Variants in VAT1L observed in about 807,000 individuals in gnomAD.
VAT1L encodes vesicle amine transport 1 like.
Under a neutral mutation model 44.1 loss-of-function variants are expected in VAT1L, and 34 were observed. The observed-to-expected ratio is 0.77, with a 90% confidence interval of 0.59 to 1.03. The LOEUF (loss-of-function observed/expected upper bound fraction) is 1.03. Among genes scored for constraint, VAT1L ranks in the 50% least tolerant of loss-of-function variants. The probability of loss-of-function intolerance (pLI) is 0.00; values close to 1 mark genes in which losing one functional copy is unlikely to be tolerated. For missense variants in VAT1L, 615 were observed against 538.8 expected (o/e 1.14, Z -1.40); for synonymous variants, 253 against 202.2 (o/e 1.25, Z -2.13).
chr16:77,899,719 C>T (rs1303916747), intron 7 of VAT1L, among the ~76,000 whole-genome samples: 1 of 152,178 alleles, frequency 6.6e-6, no homozygotes, highest in Non-Finnish European at 1.5e-5. Flanking sequence ...TTCCCATGAC[C>T]AGGAGCTGAA....
intron 1 of VAT1L, among the ~76,000 whole-genome samples, chr16:77,797,169 T>A (rs1335657768): frequency 3.3e-5 from 5 of 151,638 alleles, no homozygotes; most frequent in Admixed American, 3.3e-4. Context: ...TGGAGTGCAA[T>A]GGCGCTATCT....
Position 77,879,278 on chromosome 16 carries a change from G to C in VAT1L, c.882+54G>C, listed in dbSNP as rs756671176. 1.3e-4 allele frequency: 198 copies of C among 1,568,918 alleles called. 1 individual carries two copies. Among genetic ancestry groups the C allele is most frequent in the Middle Eastern group, 1.7e-4 (1 of 5,976 alleles). On this transcript the variant is annotated intron_variant, in intron 6 of 8. Coordinates refer to ENST00000302536, the MANE Select transcript of VAT1L (RefSeq NM_020927.3). The surrounding 1 kb of genome is among the most constrained non-coding windows in gnomAD (Gnocchi z 4.1). ...GTGGTGGCATGTTGATTCACATGTT[G>C]AGAGCTTTGTTTTTGTTTGTTTGTT...
At chr16:77,934,239 A>C (rs948501387) in intron 7 of VAT1L, among the ~76,000 whole-genome samples, 3 of 152,152 alleles carry the variant, frequency 2.0e-5, no homozygotes, top group African/African-American at 7.2e-5. Context: ...GAAGAGAATC[A>C]TGAAAAACCC....
chr16:77,796,310 C>A (rs537279285), intron 1 of VAT1L, among the ~76,000 whole-genome samples: 1 of 152,212 alleles, frequency 6.6e-6, no homozygotes, highest in South Asian at 2.1e-4. Context: ...ATTATTGCAC[C>A]CACCCTACCA....
At chr16:77,806,360 CCACCACGCCCGGCCAAG>C (rs2016158981) in intron 1 of VAT1L, among the ~76,000 whole-genome samples, 3 of 152,156 alleles carry the variant, frequency 2.0e-5, no homozygotes, top group African/African-American at 7.2e-5. Flanking sequence ...CAGGTGCCCA[CCACCACGCCCGGCCAAG>C]TTTTTTGTAT....
chr16:77,826,049 AG>A (rs56679507), intron 3 of VAT1L, among the ~76,000 whole-genome samples: 15,268 of 43,960 alleles, frequency 0.35, 6,028 homozygotes, highest in East Asian at 0.84. Context: ...AAAAAAAAAA[AG>A]AAAGAAATTA....
chr16:77,834,808 T>C (rs2016620823), intron 3 of VAT1L, among the ~76,000 whole-genome samples: 1 of 152,204 alleles, frequency 6.6e-6, no homozygotes, highest in African/African-American at 2.4e-5. Context: ...CTAAGATTAA[T>C]GGCCTGGGCC....
At position 77,932,014 on chromosome 16, in the gene VAT1L, G is replaced by A. The variant is rs144197700; in HGVS notation, c.1078-39836G>A. Among the ~76,000 whole-genome samples, 464 of 152,076 alleles carry A rather than the reference G, an allele frequency of 3.1e-3. 3 individuals are homozygous for A. The highest frequency in any genetic ancestry group is 0.011 in the African/African-American group (438 of 41,490). On this transcript the variant is annotated intron_variant, in intron 7 of 8. Coordinates refer to ENST00000302536, the MANE Select transcript of VAT1L (RefSeq NM_020927.3). The stretch of plus-strand genomic sequence containing the variant: ...CTTGGATTTTCATTCATTCATCCAC[G>A]CCTGAGCATTTAGTTCATGGGAATG...
intron 3 of VAT1L, among the ~76,000 whole-genome samples, chr16:77,834,772 T>G (rs1463901205): frequency 1.3e-5 from 2 of 152,346 alleles, no homozygotes; most frequent in South Asian, 4.1e-4. Flanking sequence ...CATCCCAGAC[T>G]GCATCCTCCT....
chr16:77,962,763 G>GGAAGGAAGGAAGGAAC (rs1555523127), intron 7 of VAT1L, among the ~76,000 whole-genome samples: 12 of 151,426 alleles, frequency 7.9e-5, no homozygotes, highest in Non-Finnish European at 1.8e-4. Flanking sequence ...AAGGAAGGAA[G>GGAAGGAAGGAAGGAAC]GAAGGAAGGA....
intron 1 of VAT1L, among the ~76,000 whole-genome samples, chr16:77,815,018 C>T (rs937185510): frequency 2.0e-5 from 3 of 152,112 alleles, no homozygotes; most frequent in Non-Finnish European, 4.4e-5. Flanking sequence ...GTCATAACTC[C>T]CACTTTACAG....
At chr16:77,919,163 C>CGCATGTGTGCATGT (rs1313581885) in intron 7 of VAT1L, among the ~76,000 whole-genome samples, 1 of 151,702 alleles carries the variant, frequency 6.6e-6, no homozygotes, top group African/African-American at 2.4e-5. Flanking sequence ...TGTGTGTGCA[C>CGCATGTGTGCATGT]GCATGTGTGC....
intron 4 of VAT1L, among the ~76,000 whole-genome samples, chr16:77,869,704 C>G (rs969687294): frequency 3.9e-5 from 6 of 152,088 alleles, no homozygotes; most frequent in African/African-American, 1.2e-4. Context: ...CGAGCATTTT[C>G]CAAATGACTG....
At chr16:77,794,953 T>C (rs1017577923) in intron 1 of VAT1L, among the ~76,000 whole-genome samples, 22 of 152,172 alleles carry the variant, frequency 1.4e-4, no homozygotes, top group African/African-American at 5.3e-4. Context: ...TATCCAATAA[T>C]GAAATGGGCT....
At chr16:77,835,927 A>T (rs1164435147) in intron 3 of VAT1L, among the ~76,000 whole-genome samples, 1 of 152,058 alleles carries the variant, frequency 6.6e-6, no homozygotes, top group Non-Finnish European at 1.5e-5. Flanking sequence ...CTCCCTGTTG[A>T]ATAGTATGTG....
intron 7 of VAT1L, among the ~76,000 whole-genome samples, chr16:77,953,821 C>T (rs368030979): frequency 2.0e-5 from 3 of 152,102 alleles, no homozygotes; most frequent in Non-Finnish European, 2.9e-5. Flanking sequence ...AATTTGAGCA[C>T]GTGTATCTCT....
intron 7 of VAT1L, among the ~76,000 whole-genome samples, chr16:77,954,403 G>A (rs1296481271): frequency 6.6e-6 from 1 of 152,154 alleles, no homozygotes; most frequent in African/African-American, 2.4e-5. Context: ...CAGACAGGCG[G>A]ATCACAAGAT....
intron 7 of VAT1L, chr16:77,892,965 C>A: frequency 1.3e-6 from 1 of 760,486 alleles, no homozygotes; most frequent in Non-Finnish European, 2.3e-6. Context: ...CTATCTGTAG[C>A]TCAGGAGGGT....
At chr16:77,805,485 G>A (rs2016138967) in intron 1 of VAT1L, among the ~76,000 whole-genome samples, 1 of 151,274 alleles carries the variant, frequency 6.6e-6, no homozygotes, top group Admixed American at 6.6e-5. Context: ...GCATGGATTG[G>A]GAGTTAAGTG....
Sources: allele counts gnomAD v4.1 joint callset (sites outside exome capture counted in the v4.1 genomes callset), GRCh38; gene constraint gnomAD v4.1.1; non-coding constraint Gnocchi (gnomAD v3.1); transcripts MANE v1.5; gene names NCBI Gene and HGNC (gene_info 2026-07-23, HGNC 2026-07-21).